Variants in KCNMB3 observed in about 807,000 individuals in gnomAD.
KCNMB3 encodes calcium-activated potassium channel subunit beta-3.
In KCNMB3, 18 loss-of-function variants were observed where a neutral mutation model predicts 11.9. The observed-to-expected ratio is 1.51, with a 90% CI of 1.04 to 2.23. The LOEUF is 2.23. Ranked by LOEUF, KCNMB3 falls within the 30% of genes most tolerant of loss-of-function variation. The pLI, the probability that KCNMB3 is intolerant of heterozygous loss-of-function variation, is 0.00. For missense variants in KCNMB3, 247 were observed against 329.4 expected (o/e 0.75, Z 1.94); for synonymous variants, 78 against 119.2 (o/e 0.65, Z 2.25).
chr3:179,255,783 A>G (rs1252459548), upstream of KCNMB3, among the ~76,000 whole-genome samples: 1 of 152,234 alleles, frequency 6.6e-6, no homozygotes, highest in Non-Finnish European at 1.5e-5. Flanking sequence ...CACAGCTACA[A>G]AGACAAGAGA....
rs373623146 is a variant in KCNMB3, at chr3:179,243,163, C to T, written c.569G>A (p.Ser190Asn). The T allele has an allele frequency of 2.7e-4, 399 of 1,504,336 alleles. 3 individuals carry two copies. In the African/African-American group the frequency reaches 4.8e-3, roughly 18 times the overall value. 93.2% of individuals were successfully genotyped at this position (1,504,336 alleles called of 1,614,324 possible). The change falls in exon 3 of 3, where the codon AGC becomes AAC. Residue 190 changes from serine to asparagine, a missense_variant. By Grantham distance (46) the Ser-to-Asn change is conservative (BLOSUM62 1). Around this residue, in one of 2 missense-constraint regions of KCNMB3, gnomAD observed 87 missense variants for 171.9 expected, o/e 0.51. Transcript: ENST00000392685. ...TATAAGAATGACATCTTCAGATTGG[C>T]TGGCTGGACTGTAGAAGCATGAAAA... ...TPFSCFYSPA[S>N]QSEDVILIKK...
At chr3:179,239,780 A>G (rs1183770225), downstream of KCNMB3, 14 of 418,030 alleles carry the variant, frequency 3.3e-5, no homozygotes, top group Non-Finnish European at 4.2e-5. Flanking sequence ...ATTTCTCTAT[A>G]TTTTGTCATT....
chr3:179,266,703 G>A (rs1208075708), exon 1 of KCNMB3: 1 of 1,614,168 alleles, frequency 6.2e-7, no homozygotes, highest in South Asian at 1.1e-5. Context: ...GATGCTGAAG[G>A]GCTGCATGAG....
At chr3:179,255,589 T>C (rs977012477), upstream of KCNMB3, among the ~76,000 whole-genome samples, 8 of 152,102 alleles carry the variant, frequency 5.3e-5, no homozygotes, top group Non-Finnish European at 8.8e-5. Flanking sequence ...ACATGAAAGA[T>C]AGATTAAATA....
rs989898912 is a variant in KCNMB3, at chr3:179,244,619, G to A, written c.323C>T (p.Thr108Ile). The change falls in exon 2 of 3, where the codon ACC becomes ATC. Residue 108 changes from threonine to isoleucine, a missense_variant. Physicochemically the swap from Thr to Ile is moderately conservative, Grantham distance 89. This residue lies in a region of KCNMB3 where 160 missense variants were observed against 157.5 expected (regional missense o/e 1.02). Transcript: ENST00000392685. ...CTGACCGTGGCAGTGCACACCACAG[G>A]TGAAGGCACAGTCCAGCCAGTCGTC... is the stretch of plus-strand genomic sequence containing the variant. ...IMDDWLDCAF[T>I]CGVHCHGQGK... 1.2e-6 allele frequency: 2 copies of A among 1,614,020 alleles called. No homozygotes were observed. The highest frequency in any genetic ancestry group is 2.7e-5 in the African/African-American group (2 of 74,908).
rs114875959 is a variant in KCNMB3, at chr3:179,266,590, T to C, written c.62+59A>G. On this transcript the variant is annotated intron_variant, in intron 1 of 3. Coordinates refer to the KCNMB3 transcript ENST00000349697. ...CCCAAGCTCGAGATGTCCCCTCTTC[T>C]TGCAACTGCTTGTTCAGCCAGATTC... is the stretch of plus-strand genomic sequence containing the variant. 5.9e-4 allele frequency: 947 copies of C among 1,599,598 alleles called. 5 individuals carry two copies. The African/African-American group carries it at 0.011, about 19-fold the overall frequency.
intron 1 of KCNMB3, among the ~76,000 whole-genome samples, chr3:179,247,579 T>C (rs746522829): frequency 6.6e-6 from 1 of 152,072 alleles, no homozygotes; most frequent in African/African-American, 2.4e-5. Flanking sequence ...AGAACCGAGC[T>C]ACAAAGTTGC....
intron 1 of KCNMB3, among the ~76,000 whole-genome samples, chr3:179,248,319 T>C (rs553992188): frequency 6.6e-6 from 1 of 152,362 alleles, no homozygotes; most frequent in East Asian, 1.9e-4. Flanking sequence ...ATACAGCATA[T>C]ACTTAATAAG....
At chr3:179,240,187 G>A (rs1385411394), downstream of KCNMB3, 2 of 608,220 alleles carry the variant, frequency 3.3e-6, no homozygotes, top group Non-Finnish European at 5.5e-6. Flanking sequence ...AGCCGGTGTT[G>A]CTAATAATCA....
chr3:179,244,469 T>C (rs1157451559), intron 2 of KCNMB3, 26 bp downstream of exon 2: 1 of 1,594,462 alleles, frequency 6.3e-7, no homozygotes, highest in Admixed American at 1.7e-5. Flanking sequence ...GTTGCTGTCA[T>C]AAGAACTCTT....
intron 1 of KCNMB3, chr3:179,259,432 C>G: frequency 6.2e-7 from 1 of 1,610,332 alleles, no homozygotes; most frequent in Non-Finnish European, 8.5e-7. Flanking sequence ...TCTCTACCAG[C>G]TAGTACCTCC....
upstream of KCNMB3, among the ~76,000 whole-genome samples, chr3:179,255,600 G>A (rs1422382039): frequency 6.6e-6 from 1 of 152,134 alleles, no homozygotes; most frequent in Non-Finnish European, 1.5e-5. Flanking sequence ...AGATTAAATA[G>A]TGTAACATAA....
intron 1 of KCNMB3, among the ~76,000 whole-genome samples, chr3:179,247,765 T>A (rs1442124258): frequency 3.9e-5 from 6 of 152,192 alleles, no homozygotes; most frequent in Admixed American, 3.3e-4. Flanking sequence ...TGTGCTATAG[T>A]AAATGGTGAC....
chr3:179,255,114 G>C (rs1163943335), upstream of KCNMB3, among the ~76,000 whole-genome samples: 1 of 151,614 alleles, frequency 6.6e-6, no homozygotes. Flanking sequence ...GCAGTGAGCT[G>C]AGATCGTGCC....
At chr3:179,266,659 G>T (rs764992727) in exon 1 of KCNMB3, 31 of 1,613,978 alleles carry the variant, frequency 1.9e-5, no homozygotes, top group African/African-American at 5.3e-5. Context: ...CTCCCCTGGC[G>T]CCTCCGGCTG....
At position 179,250,975 on chromosome 3, in the gene KCNMB3, A is replaced by G. The variant is rs202004932; in HGVS notation, c.16T>C (p.Tyr6His). Residue 6 changes from tyrosine (Y) to histidine (H), a missense_variant, in exon 1 of 3, where the codon TAT becomes CAT. Physicochemically the swap from Tyr to His is moderately conservative, Grantham distance 83 (BLOSUM62 2). Around this residue, in one of 2 missense-constraint regions of KCNMB3, gnomAD observed 160 missense variants for 157.5 expected, o/e 1.02. Coordinates refer to ENST00000392685, the MANE Select transcript of KCNMB3 (RefSeq NM_171830.2). MFPLL[Y>H]ELTAVSPSPF... ...GAAGGAGATACTGCAGTGAGCTCAT[A>G]AAGAAGGGGGAACATTTCCAATCCA... is the stretch of plus-strand genomic sequence containing the variant. 6 of 1,614,180 alleles carry G rather than the reference A, an allele frequency of 3.7e-6. No individual in the cohort carries two copies. Among genetic ancestry groups the G allele is most frequent in the Non-Finnish European group, 5.1e-6 (6 of 1,180,026 alleles).
chr3:179,248,036 T>C (rs939755020), intron 1 of KCNMB3, among the ~76,000 whole-genome samples: 8 of 152,052 alleles, frequency 5.3e-5, no homozygotes, highest in African/African-American at 1.9e-4. Flanking sequence ...GAGTACCACA[T>C]GTTGTGTGGG....
chr3:179,257,941 ATGGCT>A (rs946825033), intron 1 of KCNMB3, among the ~76,000 whole-genome samples: 22 of 152,056 alleles, frequency 1.4e-4, no homozygotes, highest in African/African-American at 5.3e-4. Flanking sequence ...CTGGAGTACA[ATGGCT>A]TGATCTTGGC....
intron 1 of KCNMB3, among the ~76,000 whole-genome samples, chr3:179,248,986 T>C (rs2108444356): frequency 6.7e-6 from 1 of 149,030 alleles, no homozygotes; most frequent in East Asian, 2.0e-4. Flanking sequence ...CACTCCAGTG[T>C]CACAGAGCAA....
Sources: allele counts gnomAD v4.1 joint callset (sites outside exome capture counted in the v4.1 genomes callset), GRCh38; gene constraint gnomAD v4.1.1; regional missense constraint gnomAD v4.1.1; transcripts MANE v1.5; gene names NCBI Gene and HGNC (gene_info 2026-07-23, HGNC 2026-07-21).